Variants in NDRG2 observed in about 807,000 individuals in gnomAD.
The protein encoded by NDRG2 is protein NDRG2.
In NDRG2, 34 loss-of-function variants were observed where a neutral mutation model predicts 58.2. That is an observed-to-expected ratio of 0.58 (90% CI 0.44 to 0.78). The LOEUF is 0.78. NDRG2 is among the 30% of genes least tolerant of loss of function. NDRG2 has a pLI of 0.00. For missense variants in NDRG2, 434 were observed against 471.2 expected (o/e 0.92, Z 0.73); for synonymous variants, 187 against 175.9 (o/e 1.06, Z -0.50).
intron 1 of NDRG2, among the ~76,000 whole-genome samples, chr14:21,069,821 C>T (rs1886537770): frequency 2.6e-5 from 4 of 152,232 alleles, no homozygotes; most frequent in Admixed American, 2.6e-4. Context: ...CTGCCAAAGT[C>T]TAGAAACCGT....
At position 21,024,083 on chromosome 14, in the gene NDRG2, T is replaced by C; in HGVS notation, c.-60A>G. 1.0e-6 allele frequency: 1 copy of C among 985,430 alleles called. No individual in the cohort carries two copies. The highest frequency in any genetic ancestry group is 1.2e-6 in the Non-Finnish European group (1 of 829,966). 61.0% of individuals were successfully genotyped at this position (985,430 alleles called of 1,614,324 possible). ...ATTAGGGGTCAGGGTTCTCACTCCT[T>C]CTGACTCTGGGGTCTGAGAAAACAC... On this transcript the variant is annotated 5_prime_UTR_variant, in exon 1 of 16. Transcript: ENST00000556147.
chr14:21,018,378 G>A, intron 13 of NDRG2, 79 bp downstream of exon 13: 3 of 1,607,094 alleles, frequency 1.9e-6, no homozygotes, highest in Middle Eastern at 1.7e-4. Flanking sequence ...TTGCTCCCAT[G>A]CCGGGCCCTG....
intron 1 of NDRG2, among the ~76,000 whole-genome samples, chr14:21,047,187 A>G (rs1885217647): frequency 6.6e-6 from 1 of 152,220 alleles, no homozygotes; most frequent in South Asian, 2.1e-4. Context: ...AATTAATAAT[A>G]GCATCTTTCT....
At chr14:21,032,017 CA>C in intron 1 of NDRG2, 2 of 1,614,162 alleles carry the variant, frequency 1.2e-6, no homozygotes, top group South Asian at 1.1e-5. Context: ...AGATGACTGA[CA>C]ACACAGGCTA....
At chr14:21,042,846 T>C in intron 1 of NDRG2, 3 of 665,030 alleles carry the variant, frequency 4.5e-6, no homozygotes, top group Non-Finnish European at 7.6e-6. Flanking sequence ...GAGGCAGAGA[T>C]GAGACACAAA....
chr14:21,042,878 G>A, intron 1 of NDRG2: 1 of 851,686 alleles, frequency 1.2e-6, no homozygotes, highest in Non-Finnish European at 1.8e-6. Context: ...AGACAACCGA[G>A]TAGGGAGATG....
At chr14:21,047,293 T>G (rs1426062671) in intron 1 of NDRG2, among the ~76,000 whole-genome samples, 1 of 152,194 alleles carries the variant, frequency 6.6e-6, no homozygotes, top group Non-Finnish European at 1.5e-5. Context: ...AAGGAAAATT[T>G]CACTCCAGGT....
upstream of NDRG2, chr14:21,028,522 ATGT>A (rs1421546992): frequency 6.6e-6 from 1 of 152,150 alleles, no homozygotes; most frequent in African/African-American, 2.4e-5. Flanking sequence ...CCCAAGAATA[ATGT>A]TGATGAGAGG....
intron 1 of NDRG2, chr14:21,043,437 C>G: frequency 6.2e-7 from 1 of 1,604,294 alleles, no homozygotes; most frequent in Non-Finnish European, 8.5e-7. Context: ...CCACCTGGTT[C>G]CTGTACACTT....
At chr14:21,048,695 G>T (rs551045974) in intron 1 of NDRG2, among the ~76,000 whole-genome samples, 1 of 152,218 alleles carries the variant, frequency 6.6e-6, no homozygotes, top group East Asian at 1.9e-4. Context: ...AGCATGTAGG[G>T]AAAGTTTGAA....
rs1340205587 is a variant in NDRG2, at chr14:21,024,820, C to T, written c.-797G>A. The T allele has an allele frequency of 2.0e-6, 2 of 985,572 alleles. No individual in the cohort carries two copies. The highest frequency in any genetic ancestry group is 1.2e-4 in the Admixed American group (2 of 16,274). The allele number at this position is 985,572 out of a possible 1,614,324, so 61.1% of individuals were successfully genotyped here. ...CCTTGCGTGGCCGGTGCCAAGCGCCCCGGACCTTGCACACAACCTCGCGCG... is the reference window on the plus strand; with the variant it reads ...CCTTGCGTGGCCGGTGCCAAGCGCCTCGGACCTTGCACACAACCTCGCGCG... On this transcript the variant is annotated 5_prime_UTR_variant, in exon 1 of 16. Coordinates refer to ENST00000556147, the MANE Select transcript of NDRG2 (RefSeq NM_001320329.2).
In NDRG2 at chr14:21,019,762, G is replaced by C. The variant is rs1438052426; in HGVS notation, c.613-20C>G. On this transcript the variant is annotated intron_variant, in intron 9 of 15. Coordinates refer to ENST00000556147, the MANE Select transcript of NDRG2 (RefSeq NM_001320329.2). ...CTCTTCCTGAAGGAGAGAACAAGGAGAAAAATTAGGGATGGAAAGAGAAAA... is the reference window on the plus strand; with the variant it reads ...CTCTTCCTGAAGGAGAGAACAAGGACAAAAATTAGGGATGGAAAGAGAAAA... 3.2e-6 allele frequency: 5 copies of C among 1,570,506 alleles called. No homozygotes were observed. Among genetic ancestry groups the C allele is most frequent in the Non-Finnish European group, 4.4e-6 (5 of 1,142,368 alleles).
At chr14:21,035,436 C>A (rs1365171857) in intron 1 of NDRG2, among the ~76,000 whole-genome samples, 1 of 152,212 alleles carries the variant, frequency 6.6e-6, no homozygotes, top group Non-Finnish European at 1.5e-5. Context: ...TCATCAACAT[C>A]TTCCCTTTCA....
At chr14:21,032,999 G>A (rs1451739000) in intron 1 of NDRG2, 1 of 455,888 alleles carries the variant, frequency 2.2e-6, no homozygotes, top group South Asian at 1.6e-5. Flanking sequence ...TTCGCTGCCT[G>A]GTCAGGGGCA....
At chr14:21,025,302 C>A (rs528074121), upstream of NDRG2, 1 of 955,780 alleles carries the variant, frequency 1.0e-6, no homozygotes, top group Non-Finnish European at 1.2e-6. The surrounding 1 kb of genome is among the most constrained non-coding windows in gnomAD (Gnocchi z 5.1). Context: ...TCCACCACCC[C>A]CTCCCCGCAT....
intron 1 of NDRG2, among the ~76,000 whole-genome samples, chr14:21,052,339 G>C (rs1885502404): frequency 6.6e-6 from 1 of 152,118 alleles, no homozygotes; most frequent in African/African-American, 2.4e-5. Context: ...GCAAAACAAG[G>C]TAGTACACGA....
At chr14:21,054,755 T>C (rs1885604112) in intron 1 of NDRG2, among the ~76,000 whole-genome samples, 1 of 152,314 alleles carries the variant, frequency 6.6e-6, no homozygotes, top group African/African-American at 2.4e-5. Context: ...TTCTGTAAAA[T>C]TGGGATAATA....
In NDRG2 at chr14:21,023,123, TAGTGGTGAAGC is replaced by T. The variant is rs1881655835; in HGVS notation, c.75+107_75+117del. ...TAGTGTATGGGGAGAGAGACTAGGGTAGTGGTGAAGCAGTGGTGTGAGTTAGAATAAGATCA... is the reference window on the plus strand; with the variant it reads ...TAGTGTATGGGGAGAGAGACTAGGGTAGTGGTGTGAGTTAGAATAAGATCA... On this transcript the variant is annotated intron_variant, in intron 2 of 15. Transcript: ENST00000556147. 8.5e-6 allele frequency: 8 copies of T among 941,058 alleles called. No individual in the cohort carries two copies. The East Asian group carries it at 2.1e-4, about 25-fold the overall frequency. 58.3% of individuals were successfully genotyped at this position (941,058 alleles called of 1,614,324 possible).
chr14:21,043,153 C>A, intron 1 of NDRG2: 8 of 1,614,176 alleles, frequency 5.0e-6, no homozygotes, highest in Non-Finnish European at 6.8e-6. Flanking sequence ...TGCAACTCAG[C>A]CATGAAAAAC....
Sources: gnomAD v4.1 joint callset for allele counts (sites outside exome capture counted in the v4.1 genomes callset) on GRCh38, gnomAD v4.1.1 for gene constraint, Gnocchi (gnomAD v3.1) non-coding constraint, MANE v1.5 for transcripts, NCBI Gene and HGNC (gene_info 2026-07-23, HGNC 2026-07-21) for gene names.